EYS: variants seen among roughly 807,000 people sequenced by gnomAD.
EYS encodes the protein EGF-like photoreceptor maintenance factor.
EYS carries 250 observed loss-of-function variants against 282.1 expected under a neutral mutation model. The observed-to-expected ratio is 0.89, with a 90% confidence interval of 0.80 to 0.98. The LOEUF is 0.98. Ranked by LOEUF, EYS falls within the 50% of genes least tolerant of loss-of-function variation. The pLI, the probability that EYS is intolerant of heterozygous loss-of-function variation, is 0.00. For missense variants in EYS, 4,016 were observed against 3,709.0 expected (o/e 1.08, Z -2.15); for synonymous variants, 1,355 against 1,282.9 (o/e 1.06, Z -1.20).
In EYS at chr6:65,231,851, A is replaced by G. The variant is rs568139251; in HGVS notation, c.2023+64012T>C. On this transcript the variant is annotated intron_variant, in intron 12 of 42. Coordinates refer to ENST00000503581, the MANE Select transcript of EYS (RefSeq NM_001142800.2). ...AAGGCACTCTAAATCAGGAGAAAGC[A>G]AGTAGTGGTATGAATAGTTCCCAAG... 2.0e-4 allele frequency among the ~76,000 whole-genome samples: 31 copies of G among 152,004 alleles called. No homozygotes were observed. The South Asian group carries it at 5.4e-3, about 27-fold the overall frequency.
At chr6:65,105,319 C>G (rs1239083015) in intron 12 of EYS, among the ~76,000 whole-genome samples, 1 of 151,560 alleles carries the variant, frequency 6.6e-6, no homozygotes, top group Non-Finnish European at 1.5e-5. Context: ...ATTTCAGTAA[C>G]TTCAAAATTA....
intron 14 of EYS, among the ~76,000 whole-genome samples, chr6:64,975,782 T>C (rs936608892): frequency 6.6e-6 from 1 of 151,872 alleles, no homozygotes; most frequent in East Asian, 1.9e-4. Flanking sequence ...GCAAACATTA[T>C]CATTTGGTAA....
intron 22 of EYS, among the ~76,000 whole-genome samples, chr6:64,722,242 AT>A (rs1440714423): frequency 3.3e-5 from 5 of 152,318 alleles, no homozygotes; most frequent in African/African-American, 4.8e-5. Flanking sequence ...ACTGTATATA[AT>A]AAAGTCAAAA....
chr6:65,511,424 G>T (rs910091646), intron 2 of EYS, among the ~76,000 whole-genome samples: 2 of 151,670 alleles, frequency 1.3e-5, no homozygotes, highest in South Asian at 4.1e-4. Flanking sequence ...ACCTATCTAG[G>T]ACCTAAGGTT....
chr6:63,913,431 T>A (rs1379143403), intron 35 of EYS, among the ~76,000 whole-genome samples: 1 of 152,226 alleles, frequency 6.6e-6, no homozygotes, highest in African/African-American at 2.4e-5. Flanking sequence ...AATACCATCA[T>A]CCAATTTCAG....
intron 18 of EYS, among the ~76,000 whole-genome samples, chr6:64,896,704 G>A (rs1227896801): frequency 2.0e-5 from 3 of 152,102 alleles, no homozygotes; most frequent in African/African-American, 7.2e-5. Flanking sequence ...CCACTGGCTT[G>A]AAATTCTCAC....
At chr6:64,012,342 A>T (rs902609935) in intron 33 of EYS, among the ~76,000 whole-genome samples, 1 of 152,202 alleles carries the variant, frequency 6.6e-6, no homozygotes, top group African/African-American at 2.4e-5. Flanking sequence ...CTCCATGCTC[A>T]GCCAGAAGTT....
chr6:65,414,915 T>C (rs1767172080), intron 5 of EYS, among the ~76,000 whole-genome samples: 2 of 152,016 alleles, frequency 1.3e-5, no homozygotes, highest in Admixed American at 1.3e-4. Context: ...TATCAATGTA[T>C]AGAATGTGCA....
At chr6:64,523,534 A>G (rs1332215514) in intron 26 of EYS, among the ~76,000 whole-genome samples, 1 of 151,832 alleles carries the variant, frequency 6.6e-6, no homozygotes, top group Non-Finnish European at 1.5e-5. Flanking sequence ...CTTGATAAAT[A>G]CTTGGAATGG....
rs535339070 is a variant in EYS, at chr6:64,605,154, A to G, written c.3685-11845T>C. 2.6e-5 allele frequency among the ~76,000 whole-genome samples: 4 copies of G among 152,020 alleles called. No homozygotes were observed. The South Asian group carries it at 8.3e-4, about 31-fold the overall frequency. ...ACATGGTGAGAAACTTACTTAGGTT[A>G]CCCCCAAATTTTAAATATATGGGAT... On this transcript the variant is annotated intron_variant, in intron 24 of 42. Coordinates refer to ENST00000503581, the MANE Select transcript of EYS (RefSeq NM_001142800.2).
chr6:64,950,067 A>G (rs1189182596), intron 14 of EYS, among the ~76,000 whole-genome samples: 2 of 151,976 alleles, frequency 1.3e-5, no homozygotes, highest in Admixed American at 6.6e-5. Flanking sequence ...AAGCCATGTA[A>G]TAAGAGATAA....
At chr6:64,965,451 T>A (rs1770061303) in intron 14 of EYS, among the ~76,000 whole-genome samples, 1 of 151,998 alleles carries the variant, frequency 6.6e-6, no homozygotes, top group South Asian at 2.1e-4. Context: ...GTAAATGCAT[T>A]GATATATTTG....
At chr6:64,805,815 C>T (rs1764404330) in intron 22 of EYS, among the ~76,000 whole-genome samples, 1 of 151,096 alleles carries the variant, frequency 6.6e-6, no homozygotes, top group Non-Finnish European at 1.5e-5. Context: ...TACAAAAATA[C>T]ATAATTTTTA....
intron 2 of EYS, among the ~76,000 whole-genome samples, chr6:65,612,880 A>G (rs1360033844): frequency 6.6e-6 from 1 of 151,504 alleles, no homozygotes. Context: ...TGTTTTTTTT[A>G]CTTATTTTAC....
rs138182092 is a variant in EYS at position 64,983,856 on chromosome 6, G to A, written c.2259+13726C>T. On this transcript the variant is annotated intron_variant, in intron 14 of 42. Transcript: ENST00000503581. ...AAAGTCATAAAACCATGAGTCTAAA[G>A]AAGACCAGTCTTTGGCACAAGTTTA... 1.1e-3 allele frequency among the ~76,000 whole-genome samples: 171 copies of A among 151,356 alleles called. 1 individual carries two copies. The highest frequency in any genetic ancestry group is 4.0e-3 in the African/African-American group (167 of 41,426).
intron 22 of EYS, chr6:64,733,393 A>G (rs971371638): frequency 5.7e-6 from 1 of 174,476 alleles, no homozygotes; most frequent in Non-Finnish European, 1.3e-5. Context: ...TTGGTGCTTA[A>G]CAGATGGTAC....
At chr6:65,540,779 C>T (rs574895599) in intron 2 of EYS, among the ~76,000 whole-genome samples, 2 of 151,922 alleles carry the variant, frequency 1.3e-5, no homozygotes, top group Admixed American at 1.3e-4. Context: ...AAAAATTAGT[C>T]GAGTGTAGTG....
At chr6:64,058,447 ACT>A (rs1771058009) in intron 33 of EYS, among the ~76,000 whole-genome samples, 1 of 152,124 alleles carries the variant, frequency 6.6e-6, no homozygotes, top group Non-Finnish European at 1.5e-5. Context: ...GGAATCAAAT[ACT>A]CTCTAACCAT....
intron 2 of EYS, among the ~76,000 whole-genome samples, chr6:65,592,616 A>G (rs1340404710): frequency 6.6e-6 from 1 of 151,972 alleles, no homozygotes; most frequent in Non-Finnish European, 1.5e-5. Context: ...TCATTTAGAC[A>G]TGAGGAAACT....
Sources: allele counts gnomAD v4.1 joint callset (sites outside exome capture counted in the v4.1 genomes callset), GRCh38; gene constraint gnomAD v4.1.1; transcripts MANE v1.5; gene names NCBI Gene and HGNC (gene_info 2026-07-23, HGNC 2026-07-21).